The following YBX3 variants were observed in gnomAD, a reference collection of about 807,000 sequenced individuals.
YBX3 encodes the protein Y-box-binding protein 3.
A neutral mutation model predicts 42.4 loss-of-function variants in YBX3; 29 were observed. The observed-to-expected ratio is 0.68, with a 90% CI of 0.51 to 0.93. The LOEUF (loss-of-function observed/expected upper bound fraction) is 0.93, where lower values mean the gene tolerates loss of function less well. YBX3 is among the 40% of genes least tolerant of loss of function. YBX3 has a pLI of 0.00. For missense variants in YBX3, 517 were observed against 527.5 expected (o/e 0.98, Z 0.19); for synonymous variants, 195 against 189.8 (o/e 1.03, Z -0.22).
chr12:10,704,068 G>A lies in YBX3; in HGVS notation c.861C>T (p.Tyr287=). The change falls in exon 7 of 10, where the codon TAC becomes TAT. Residue 287 remains tyrosine (Y), a synonymous_variant. Transcript: ENST00000228251. ...LQGPVHRNPT[Y]RPRYRSRGPP... is the part of the protein sequence containing the mutation. ...CGACATACCTACGGTACCTTGGGCGGTAAGTTGGATTTCGATGAACCGGTC... is the reference window on the plus strand; with the variant it reads ...CGACATACCTACGGTACCTTGGGCGATAAGTTGGATTTCGATGAACCGGTC... The A allele has an allele frequency of 1.2e-6, 2 of 1,614,160 alleles. No homozygotes were observed. Among genetic ancestry groups the A allele is most frequent in the Non-Finnish European group, 1.7e-6 (2 of 1,180,030 alleles).
At chr12:10,721,758 C>T (rs1056643784) in intron 1 of YBX3, among the ~76,000 whole-genome samples, 5 of 152,116 alleles carry the variant, frequency 3.3e-5, no homozygotes, top group African/African-American at 1.2e-4. Flanking sequence ...ACAAACATGC[C>T]CCACCCCAAA....
At position 10,723,318 on chromosome 12, in the gene YBX3, C is replaced by G; in HGVS notation, c.-207G>C. 1.2e-6 allele frequency: 1 copy of G among 824,086 alleles called. No homozygotes were observed. Among genetic ancestry groups the G allele is most frequent in the South Asian group, 5.9e-5 (1 of 16,962 alleles). The allele number at this position is 824,086 out of a possible 1,614,324, so 51.0% of individuals were successfully genotyped here. On this transcript the variant is annotated 5_prime_UTR_variant, in exon 1 of 10. Coordinates refer to ENST00000228251, the MANE Select transcript of YBX3 (RefSeq NM_003651.5). ...CTCTCTCTTGGGCTCCTCGCTCGATCTTACTGCCCCAAAAATGGCCCCGCA... is the reference window on the plus strand; with the variant it reads ...CTCTCTCTTGGGCTCCTCGCTCGATGTTACTGCCCCAAAAATGGCCCCGCA...
At chr12:10,701,072 A>G (rs945761137) in intron 9 of YBX3, among the ~76,000 whole-genome samples, 182 bp downstream of exon 9, 2 of 152,212 alleles carry the variant, frequency 1.3e-5, no homozygotes, top group African/African-American at 4.8e-5. Flanking sequence ...AGCTTATCAA[A>G]ATGAGGTCAA....
At chr12:10,710,346 A>G (rs1049090118) in intron 5 of YBX3, 48 of 1,422,616 alleles carry the variant, frequency 3.4e-5, no homozygotes, top group Non-Finnish European at 4.2e-5. Context: ...GAAAAGCAAG[A>G]GCAATCAATC....
intron 6 of YBX3, among the ~76,000 whole-genome samples, chr12:10,709,471 T>C (rs910912583): frequency 6.6e-6 from 1 of 152,238 alleles, no homozygotes; most frequent in Admixed American, 6.5e-5. Flanking sequence ...ATCCTTTATA[T>C]TTAATCATCA....
chr12:10,714,572 G>C (rs1948238122), intron 4 of YBX3, among the ~76,000 whole-genome samples: 1 of 152,090 alleles, frequency 6.6e-6, no homozygotes, highest in East Asian at 1.9e-4. Context: ...GGGTCTATCA[G>C]GGTACCTTCA....
At chr12:10,702,669 T>C (rs1260598535) in intron 7 of YBX3, 1 of 152,258 alleles carries the variant, frequency 6.6e-6, no homozygotes, top group East Asian at 1.9e-4. Context: ...GTAAGGAACA[T>C]ACATATACTG....
chr12:10,709,166 AG>A lies in YBX3; in HGVS notation c.780+741del, dbSNP rs567674600. ...TGTTCGGTCAAAACATCTAGCGGTGAGGGGAAAAAAAAGAAACCCCAACGAC... is the reference window on the plus strand; with the variant it reads ...TGTTCGGTCAAAACATCTAGCGGTGAGGGAAAAAAAAGAAACCCCAACGAC... On this transcript the variant is annotated intron_variant, in intron 6 of 9. Transcript: ENST00000228251. 2.3e-3 allele frequency among the ~76,000 whole-genome samples: 352 copies of A among 152,256 alleles called. 2 individuals are homozygous for A. Among genetic ancestry groups the A allele is most frequent in the African/African-American group, 8.2e-3 (340 of 41,554 alleles).
intron 4 of YBX3, among the ~76,000 whole-genome samples, chr12:10,714,553 G>C (rs1036889303): frequency 2.6e-5 from 4 of 152,144 alleles, no homozygotes; most frequent in African/African-American, 9.7e-5. Flanking sequence ...CCCGGACGAA[G>C]CTATCTTAGG....
intron 6 of YBX3, 47 bp downstream of exon 6, chr12:10,709,861 A>T: frequency 6.2e-7 from 1 of 1,606,376 alleles, no homozygotes; most frequent in Non-Finnish European, 8.5e-7. Context: ...GCAGAGAAGG[A>T]CGGAAGGGTG....
At chr12:10,710,371 T>G (rs1008889114) in intron 5 of YBX3, 1 of 1,388,780 alleles carries the variant, frequency 7.2e-7, no homozygotes, top group African/African-American at 1.5e-5. Flanking sequence ...ATCAATTTAA[T>G]AGTCATCTCA....
intron 6 of YBX3, among the ~76,000 whole-genome samples, chr12:10,709,542 G>C (rs1948174382): frequency 6.6e-6 from 1 of 152,074 alleles, no homozygotes; most frequent in South Asian, 2.1e-4. Flanking sequence ...TCTAAAACTT[G>C]GTTTTCTCAA....
chr12:10,705,217 G>A (rs759801293), intron 6 of YBX3, among the ~76,000 whole-genome samples: 6 of 151,896 alleles, frequency 4.0e-5, no homozygotes, highest in Non-Finnish European at 8.8e-5. Flanking sequence ...CCTCAGCCTC[G>A]CAAGTAGCTG....
Position 10,723,218 on chromosome 12 carries a change from C to A in YBX3, c.-107G>T. The A allele has an allele frequency of 1.7e-6, 2 of 1,171,744 alleles. No individual in the cohort carries two copies. Among genetic ancestry groups the A allele is most frequent in the Admixed American group, 4.6e-5 (1 of 21,602 alleles). 72.6% of individuals were successfully genotyped at this position (1,171,744 alleles called of 1,614,324 possible). On this transcript the variant is annotated 5_prime_UTR_variant, in exon 1 of 10. Transcript: ENST00000228251. ...GGGCTCGCTCTCGGGGAGGCCGGGG[C>A]GGATCTCGCGGCGCAGGCGGCGGCG...
intron 4 of YBX3, 149 bp from the exon 5 acceptor site, chr12:10,713,482 G>T: frequency 1.0e-6 from 1 of 999,614 alleles, no homozygotes; most frequent in South Asian, 1.8e-5. Context: ...TTTAAACAAA[G>T]TGAGCAAGGT....
intron 5 of YBX3, chr12:10,711,986 C>T (rs756274952): frequency 6.6e-6 from 1 of 152,070 alleles, no homozygotes; most frequent in African/African-American, 2.4e-5. Context: ...CCTAGCTATC[C>T]CCCTCATAGC....
chr12:10,710,250 C>A, intron 5 of YBX3, 136 bp from the exon 6 acceptor site: 2 of 1,523,256 alleles, frequency 1.3e-6, no homozygotes, highest in Non-Finnish European at 1.8e-6. Context: ...AGACAAAATG[C>A]ATTTAACCCA....
intron 6 of YBX3, among the ~76,000 whole-genome samples, chr12:10,709,377 G>C (rs951749935): frequency 6.6e-6 from 1 of 152,148 alleles, no homozygotes; most frequent in Non-Finnish European, 1.5e-5. Flanking sequence ...CATTCTGGTA[G>C]GTTGCCTTTA....
intron 9 of YBX3, among the ~76,000 whole-genome samples, chr12:10,700,596 C>T (rs1034558828): frequency 2.0e-5 from 3 of 152,124 alleles, no homozygotes; most frequent in Non-Finnish European, 4.4e-5. Flanking sequence ...TATCCTTTTA[C>T]GAGAGGTTAT....
Sources: allele counts gnomAD v4.1 joint callset (sites outside exome capture counted in the v4.1 genomes callset), GRCh38; gene constraint gnomAD v4.1.1; transcripts MANE v1.5; gene names NCBI Gene and HGNC (gene_info 2026-07-23, HGNC 2026-07-21).